SNRPD3: variants seen among roughly 807,000 people sequenced by gnomAD.
SNRPD3 encodes the protein small nuclear ribonucleoprotein Sm D3.
For synonymous variants in SNRPD3, 66 were observed against 58.4 expected (o/e 1.13, Z -0.59); for missense variants, 73 against 167.5 (o/e 0.44, Z 3.11).
chr22:24,557,376 G>A lies in SNRPD3; in HGVS notation c.-18-281G>A, dbSNP rs140992586. Among the ~76,000 whole-genome samples the A allele has an allele frequency of 3.3e-5, 5 of 152,290 alleles. No homozygotes were observed. The East Asian group carries it at 5.8e-4, about 18-fold the overall frequency. ...TTTAGCTGAAGATTAAGGGACATAG[G>A]GTAGCGGGGACACATGACCCATGGG... On this transcript the variant is annotated intron_variant, in intron 1 of 3. Coordinates refer to ENST00000215829, the MANE Select transcript of SNRPD3 (RefSeq NM_004175.5).
At chr22:24,562,581 A>G (rs2045153969) in intron 2 of SNRPD3, among the ~76,000 whole-genome samples, 1 of 151,994 alleles carries the variant, frequency 6.6e-6, no homozygotes, top group Non-Finnish European at 1.5e-5. Context: ...GTGATGGCTT[A>G]TGCCTGTAGT....
intron 2 of SNRPD3, among the ~76,000 whole-genome samples, chr22:24,565,417 C>A (rs2045187469): frequency 6.6e-6 from 1 of 152,160 alleles, no homozygotes. Flanking sequence ...GGGGAAATCA[C>A]CTGGGCCAGC....
intron 2 of SNRPD3, among the ~76,000 whole-genome samples, chr22:24,565,901 C>G (rs1329948755): frequency 6.6e-6 from 1 of 152,144 alleles, no homozygotes; most frequent in Non-Finnish European, 1.5e-5. Flanking sequence ...CCCACCTCGG[C>G]CTCCCAAAGT....
intron 3 of SNRPD3, among the ~76,000 whole-genome samples, chr22:24,569,278 G>C (rs981551227): frequency 4.6e-4 from 70 of 152,120 alleles, no homozygotes; most frequent in Non-Finnish European, 7.4e-5. Context: ...CTTGCTTCTT[G>C]GTTAGCCTAA....
rs572112513 is a variant in SNRPD3 at position 24,572,490 on chromosome 22, C to T, written c.*513C>T. The T allele has an allele frequency of 9.2e-5, 22 of 239,206 alleles. No individual in the cohort carries two copies. The highest frequency in any genetic ancestry group is 5.0e-4 in the South Asian group (9 of 18,048). The allele number at this position is 239,206 out of a possible 1,614,324, so 14.8% of individuals were successfully genotyped here. On this transcript the variant is annotated 3_prime_UTR_variant, in exon 4 of 4. Transcript: ENST00000215829. ...TCATAGGTAATTCAGGGGCTGGGTG[C>T]GGCGGCTCACGCATGTAATCCCAGC...
chr22:24,561,038 C>CT (rs982307485), intron 2 of SNRPD3, among the ~76,000 whole-genome samples: 1 of 130,216 alleles, frequency 7.7e-6, no homozygotes, highest in Non-Finnish European at 1.6e-5. Context: ...TGCACCCAGC[C>CT]TTTTTTTTCT....
chr22:24,561,388 G>T (rs1233824855), intron 2 of SNRPD3, among the ~76,000 whole-genome samples: 6 of 152,020 alleles, frequency 3.9e-5, no homozygotes, highest in Non-Finnish European at 8.8e-5. Context: ...AAGATTTTTT[G>T]TCTCTAAATA....
In SNRPD3 at chr22:24,573,005, C is replaced by A. The variant is rs2045262759; in HGVS notation, c.*1028C>A. ...AGGATTGTTTGAGAGGAGTTCAAAA[C>A]CAGCCCGCGAGACATAGTGAGACCC... On this transcript the variant is annotated 3_prime_UTR_variant, in exon 4 of 4. Transcript: ENST00000215829. 6.6e-6 allele frequency among the ~76,000 whole-genome samples: 1 copy of A among 152,090 alleles called. No individual in the cohort carries two copies. Among genetic ancestry groups the A allele is most frequent in the African/African-American group, 2.4e-5 (1 of 41,390 alleles).
At chr22:24,565,946 C>A (rs990321646) in intron 2 of SNRPD3, among the ~76,000 whole-genome samples, 3 of 152,134 alleles carry the variant, frequency 2.0e-5, no homozygotes, top group Non-Finnish European at 4.4e-5. Flanking sequence ...CGCGCCCAGC[C>A]CCAAAACACA....
At position 24,574,794 on chromosome 22, in the gene SNRPD3, G is replaced by C. The variant is rs773488365; in HGVS notation, c.*2817G>C. Among the ~76,000 whole-genome samples the C allele has an allele frequency of 6.6e-6, 1 of 151,974 alleles. No individual in the cohort carries two copies. Among genetic ancestry groups the C allele is most frequent in the Non-Finnish European group, 1.5e-5 (1 of 68,002 alleles). On this transcript the variant is annotated 3_prime_UTR_variant, in exon 4 of 4. Coordinates refer to ENST00000215829, the MANE Select transcript of SNRPD3 (RefSeq NM_004175.5). ...GGGGCTCAAGTGATCTGCCCGCCTC[G>C]GCCTGCTGGGATTATAGGTGTGAGC...
intron 2 of SNRPD3, among the ~76,000 whole-genome samples, chr22:24,564,807 A>G (rs1194102992): frequency 6.6e-6 from 1 of 152,032 alleles, no homozygotes; most frequent in East Asian, 1.9e-4. Context: ...TTAGCTGTCA[A>G]TCAGATTTAG....
intron 1 of SNRPD3, among the ~76,000 whole-genome samples, chr22:24,557,080 T>C (rs2045080109): frequency 6.6e-6 from 1 of 152,216 alleles, no homozygotes; most frequent in African/African-American, 2.4e-5. Context: ...GCACCTTCCA[T>C]AGGGTAGCCA....
chr22:24,561,992 C>A (rs926224143), intron 2 of SNRPD3, among the ~76,000 whole-genome samples: 2 of 152,014 alleles, frequency 1.3e-5, no homozygotes, highest in Non-Finnish European at 2.9e-5. Flanking sequence ...CGGAGTGAGA[C>A]CTAGTCTCAC....
Position 24,573,032 on chromosome 22 carries a change from GTC to G in SNRPD3, c.*1059_*1060del, listed in dbSNP as rs1366531337. Among the ~76,000 whole-genome samples, 4 of 152,032 alleles carry G rather than the reference GTC, an allele frequency of 2.6e-5. No individual in the cohort carries two copies. Among genetic ancestry groups the G allele is most frequent in the African/African-American group, 9.7e-5 (4 of 41,400 alleles). ...AGCCCGCGAGACATAGTGAGACCCT[GTC>G]TCTACAAAAAATTCTAAAAATTAAC... On this transcript the variant is annotated 3_prime_UTR_variant, in exon 4 of 4. Coordinates refer to ENST00000215829, the MANE Select transcript of SNRPD3 (RefSeq NM_004175.5).
chr22:24,570,693 A>G lies in SNRPD3; in HGVS notation c.320-1223A>G, dbSNP rs539100734. Among the ~76,000 whole-genome samples, 293 of 152,222 alleles carry G rather than the reference A, an allele frequency of 1.9e-3. 1 individual carries two copies. The highest frequency in any genetic ancestry group is 0.011 in the South Asian group (52 of 4,828). ...GCTAGACTCCATCTCAAAAAAAAAG[A>G]ATATTTTATTTGTTCTTCAAAGCCT... On this transcript the variant is annotated intron_variant, in intron 3 of 3. Coordinates refer to ENST00000215829, the MANE Select transcript of SNRPD3 (RefSeq NM_004175.5).
chr22:24,560,428 CTTTTTTTTTTTTTTTTTTTTTTTTTTTT>C (rs60835175), intron 2 of SNRPD3, among the ~76,000 whole-genome samples: 2 of 49,074 alleles, frequency 4.1e-5, no homozygotes, highest in African/African-American at 1.6e-4. Context: ...AGCTTGCTTG[CTTTTTTTTTTTTTTTTTTTTTTTTTTTT>C]TTTTTTTTTT....
At chr22:24,564,797 T>A (rs2045179822) in intron 2 of SNRPD3, among the ~76,000 whole-genome samples, 1 of 152,116 alleles carries the variant, frequency 6.6e-6, no homozygotes, top group Non-Finnish European at 1.5e-5. Flanking sequence ...AAAACACATT[T>A]TAGCTGTCAA....
At position 24,561,288 on chromosome 22, in the gene SNRPD3, A is replaced by G. The variant is rs573219173; in HGVS notation, c.126+3488A>G. Among the ~76,000 whole-genome samples, 4 of 151,566 alleles carry G rather than the reference A, an allele frequency of 2.6e-5. No individual in the cohort carries two copies. The South Asian group carries it at 8.4e-4, about 32-fold the overall frequency. On this transcript the variant is annotated intron_variant, in intron 2 of 3. Transcript: ENST00000215829. ...GGAGTCTTGATATGTTTTTCAGGCC[A>G]GTTTCAAACTCCTGGCCACAAGTGA...
rs146760566 is a variant in SNRPD3 at position 24,557,975 on chromosome 22, G to A, written c.126+175G>A. ...GCTCTGGGGGTGTGGGCATGAACGA[G>A]ACACATAATCTTGAGGCAGAAAAGC... On this transcript the variant is annotated intron_variant, in intron 2 of 3. Coordinates refer to ENST00000215829, the MANE Select transcript of SNRPD3 (RefSeq NM_004175.5). 4,721 of 506,788 alleles carry A rather than the reference G, an allele frequency of 9.3e-3. 35 individuals are homozygous for A. The highest frequency in any genetic ancestry group is 0.013 in the Non-Finnish European group (3,804 of 300,796). 31.4% of individuals were successfully genotyped at this position (506,788 alleles called of 1,614,324 possible). A position where few individuals can be genotyped will look rare whatever the true frequency, so the allele number is the denominator to read the frequency against.
Sources: gnomAD v4.1 joint callset for allele counts (sites outside exome capture counted in the v4.1 genomes callset) on GRCh38, gnomAD v4.1.1 for gene constraint, MANE v1.5 for transcripts, NCBI Gene and HGNC (gene_info 2026-07-23, HGNC 2026-07-21) for gene names.